GIMAP7: variants seen among roughly 807,000 people sequenced by gnomAD.
The protein encoded by GIMAP7 is GTPase IMAP family member 7.
For missense variants in GIMAP7, 323 were observed against 359.7 expected (o/e 0.90, Z 0.83); for synonymous variants, 137 against 129.3 (o/e 1.06, Z -0.40).
At chr7:150,518,044 G>T (rs564876043) in intron 1 of GIMAP7, among the ~76,000 whole-genome samples, 14 of 151,894 alleles carry the variant, frequency 9.2e-5, no homozygotes, top group Non-Finnish European at 1.8e-4. Flanking sequence ...GTATATCACA[G>T]AGATCTCTTC....
At position 150,520,315 on chromosome 7, in the gene GIMAP7, T is replaced by C. The variant is rs1795176146; in HGVS notation, c.341T>C (p.Leu114Ser). The C allele has an allele frequency of 6.2e-7, 1 of 1,614,152 alleles. No individual in the cohort carries two copies. Among genetic ancestry groups the C allele is most frequent in the Non-Finnish European group, 8.5e-7 (1 of 1,180,030 alleles). ...YTEEEQKTVALIKAVFGKSAM... is the reference protein window; with the variant it reads ...YTEEEQKTVASIKAVFGKSAM... ...GAGGAGGAGCAGAAAACCGTTGCAT[T>C]GATCAAGGCTGTCTTTGGGAAGTCA... The change falls in exon 2 of 2, where the codon TTG becomes TCG. Residue 114 changes from leucine (L) to serine (S), a missense_variant. Coordinates refer to ENST00000313543, the MANE Select transcript of GIMAP7 (RefSeq NM_153236.4).
chr7:150,517,597 CAT>C (rs1279355542), intron 1 of GIMAP7, among the ~76,000 whole-genome samples: 1 of 146,440 alleles, frequency 6.8e-6, no homozygotes, highest in East Asian at 2.0e-4. Context: ...CACACACACA[CAT>C]ACACACACAC....
chr7:150,520,245 G>A lies in GIMAP7; in HGVS notation c.271G>A (p.Gly91Arg). Reference sequence around the variant, plus strand: ...CCGCTGCATCATCTCCTCCTGCCCAGGGCCCCATGCTATTGTCCTAGTTCT... The same window carrying A: ...CCGCTGCATCATCTCCTCCTGCCCAAGGCCCCATGCTATTGTCCTAGTTCT... ...ISRCIISSCPGPHAIVLVLLL... is the reference protein window; with the variant it reads ...ISRCIISSCPRPHAIVLVLLL... The change falls in exon 2 of 2, where the codon GGG becomes AGG. Residue 91 changes from glycine (G) to arginine (R), a missense_variant. By Grantham distance (125) the Gly-to-Arg change is moderately radical. Transcript: ENST00000313543. 1 of 1,614,162 alleles carries A rather than the reference G, an allele frequency of 6.2e-7. No individual in the cohort carries two copies. The highest frequency in any genetic ancestry group is 8.5e-7 in the Non-Finnish European group (1 of 1,180,020).
In GIMAP7 at chr7:150,518,845, T is replaced by G. The variant is rs998491096; in HGVS notation, c.-41-1089T>G. Among the ~76,000 whole-genome samples the G allele has an allele frequency of 2.6e-5, 4 of 152,254 alleles. No individual in the cohort carries two copies. The East Asian group carries it at 5.8e-4, about 22-fold the overall frequency. On this transcript the variant is annotated intron_variant, in intron 1 of 1. Transcript: ENST00000313543. ...TTTTTGCATTCAAATTTCTGATCTA[T>G]TTGGAATTTGTATGATATGAGGAAT...
At chr7:150,516,841 C>T (rs1795141209) in intron 1 of GIMAP7, among the ~76,000 whole-genome samples, 2 of 152,162 alleles carry the variant, frequency 1.3e-5, no homozygotes, top group African/African-American at 4.8e-5. Context: ...GAGGTTGGAT[C>T]AGATTAAAGT....
chr7:150,517,419 A>G (rs774854309), intron 1 of GIMAP7, among the ~76,000 whole-genome samples: 2 of 152,172 alleles, frequency 1.3e-5, no homozygotes, highest in African/African-American at 2.4e-5. Flanking sequence ...TTGTAGGCTA[A>G]ACTTGTATGT....
intron 1 of GIMAP7, 62 bp from the exon 2 acceptor site, chr7:150,519,872 G>T: frequency 2.1e-6 from 2 of 935,856 alleles, no homozygotes; most frequent in Non-Finnish European, 3.3e-6. Context: ...CAGAAAAGAA[G>T]GTTGGGAATG....
intron 1 of GIMAP7, among the ~76,000 whole-genome samples, chr7:150,517,482 T>C (rs1217295268): frequency 6.6e-6 from 1 of 152,192 alleles, no homozygotes; most frequent in Non-Finnish European, 1.5e-5. Flanking sequence ...CTAATTTCTT[T>C]TGTGGGAAAT....
chr7:150,520,043 A>G lies in GIMAP7; in HGVS notation c.69A>G (p.Ala23=), dbSNP rs1391066094. ...GGAAAACTGGAAGTGGGAAAAGTGC[A>G]ACAGCGAACACCATCCTTGGAGAGG... ...LVGKTGSGKS[A]TANTILGEEI... The change falls in exon 2 of 2, where the codon GCA becomes GCG. Residue 23 remains alanine (A), a synonymous_variant. Transcript: ENST00000313543. 6.2e-7 allele frequency: 1 copy of G among 1,614,180 alleles called. No homozygotes were observed.
At chr7:150,517,165 G>A (rs181945158) in intron 1 of GIMAP7, among the ~76,000 whole-genome samples, 1 of 152,222 alleles carries the variant, frequency 6.6e-6, no homozygotes, top group East Asian at 1.9e-4. Context: ...TGTTCAGAAT[G>A]ATGAGTCACT....
At position 150,520,205 on chromosome 7, in the gene GIMAP7, C is replaced by G. The variant is rs1299959859; in HGVS notation, c.231C>G (p.Thr77=). Residue 77 remains threonine, a synonymous_variant, in exon 2 of 2, where the codon ACC becomes ACG. Coordinates refer to ENST00000313543, the MANE Select transcript of GIMAP7 (RefSeq NM_153236.4). ...ACACCAAGGAGAGCCTGGACACCAC[C>G]TGCAAGGAAATCAGCCGCTGCATCA... is the stretch of plus-strand genomic sequence containing the variant. The part of the protein sequence containing the change: ...LFDTKESLDT[T]CKEISRCIIS... 8 of 1,614,038 alleles carry G rather than the reference C, an allele frequency of 5.0e-6. No individual in the cohort carries two copies. The highest frequency in any genetic ancestry group is 6.8e-6 in the Non-Finnish European group (8 of 1,180,014).
intron 1 of GIMAP7, 34 bp from the exon 2 acceptor site, chr7:150,519,900 C>T (rs1297160819): frequency 7.3e-7 from 1 of 1,364,670 alleles, no homozygotes; most frequent in African/African-American, 1.5e-5. Context: ...CTTACTAAAA[C>T]TGGCTTTTTT....
At chr7:150,517,674 C>A (rs772454928) in intron 1 of GIMAP7, among the ~76,000 whole-genome samples, 1 of 152,050 alleles carries the variant, frequency 6.6e-6, no homozygotes, top group African/African-American at 2.4e-5. Flanking sequence ...GTGGTTCATC[C>A]TTGACACAAG....
At chr7:150,519,326 C>T (rs28469392) in intron 1 of GIMAP7, among the ~76,000 whole-genome samples, 45,141 of 151,960 alleles carry the variant, frequency 0.3, 7,973 homozygotes, top group East Asian at 0.56. Flanking sequence ...TACAAACTAC[C>T]GTAAACATGA....
chr7:150,520,049 G>A lies in GIMAP7; in HGVS notation c.75G>A (p.Ala25=), dbSNP rs114459899. Residue 25 remains alanine (A), a synonymous_variant, in exon 2 of 2, where the codon GCG becomes GCA. Coordinates refer to ENST00000313543, the MANE Select transcript of GIMAP7 (RefSeq NM_153236.4). ...GKTGSGKSAT[A]NTILGEEIFD... ...CTGGAAGTGGGAAAAGTGCAACAGC[G>A]AACACCATCCTTGGAGAGGAAATCT... is the stretch of plus-strand genomic sequence containing the variant. The A allele has an allele frequency of 1.1e-3, 1,714 of 1,614,128 alleles. 1 individual carries two copies. The highest frequency in any genetic ancestry group is 1.4e-3 in the Non-Finnish European group (1,608 of 1,180,016).
chr7:150,520,460 C>A lies in GIMAP7; in HGVS notation c.486C>A (p.Asn162Lys). 2 of 1,614,186 alleles carry A rather than the reference C, an allele frequency of 1.2e-6. No homozygotes were observed. Among genetic ancestry groups the A allele is most frequent in the Non-Finnish European group, 1.7e-6 (2 of 1,180,040 alleles). ...GLKSIVKECGNRCCAFSNSKK... is the reference protein window; with the variant it reads ...GLKSIVKECGKRCCAFSNSKK... ...AAAGCATCGTCAAGGAGTGCGGGAACCGCTGCTGTGCCTTTAGCAACAGCA... is the reference window on the plus strand; with the variant it reads ...AAAGCATCGTCAAGGAGTGCGGGAAACGCTGCTGTGCCTTTAGCAACAGCA... Residue 162 changes from asparagine to lysine, a missense_variant, in exon 2 of 2, where the codon AAC becomes AAA. Physicochemically the swap from Asn to Lys is moderately conservative, Grantham distance 94. Transcript: ENST00000313543.
intron 1 of GIMAP7, among the ~76,000 whole-genome samples, chr7:150,517,421 C>T (rs2116662145): frequency 6.6e-6 from 1 of 152,236 alleles, no homozygotes; most frequent in African/African-American, 2.4e-5. Flanking sequence ...GTAGGCTAAA[C>T]TTGTATGTTT....
chr7:150,515,349 T>G (rs1003624096), intron 1 of GIMAP7, among the ~76,000 whole-genome samples: 5 of 152,204 alleles, frequency 3.3e-5, no homozygotes, highest in Non-Finnish European at 5.9e-5. Flanking sequence ...ATTTTGATGA[T>G]TCTCCAAGGG....
At position 150,520,171 on chromosome 7, in the gene GIMAP7, G is replaced by T; in HGVS notation, c.197G>T (p.Gly66Val). The T allele has an allele frequency of 6.2e-7, 1 of 1,614,020 alleles. No individual in the cohort carries two copies. Among genetic ancestry groups the T allele is most frequent in the Non-Finnish European group, 8.5e-7 (1 of 1,179,968 alleles). ...GRDLLVVDTP[G>V]LFDTKESLDT... Reference sequence around the variant, plus strand: ...GACCTTCTTGTTGTAGACACTCCAGGGCTCTTTGACACCAAGGAGAGCCTG... The same window carrying T: ...GACCTTCTTGTTGTAGACACTCCAGTGCTCTTTGACACCAAGGAGAGCCTG... The change falls in exon 2 of 2, where the codon GGG becomes GTG. Residue 66 changes from glycine to valine, a missense_variant. Transcript: ENST00000313543.
Sources: gnomAD v4.1 joint callset for allele counts (sites outside exome capture counted in the v4.1 genomes callset) on GRCh38, gnomAD v4.1.1 for gene constraint, MANE v1.5 for transcripts, NCBI Gene and HGNC (gene_info 2026-07-23, HGNC 2026-07-21) for gene names.